TJP1: variants seen among roughly 807,000 people sequenced by gnomAD.
TJP1 encodes tight junction protein 1, also known as tight junction protein ZO-1.
TJP1 carries 43 observed loss-of-function variants against 194.2 expected under a neutral mutation model. The observed-to-expected ratio is 0.22, with a 90% CI of 0.17 to 0.29. The LOEUF (loss-of-function observed/expected upper bound fraction) is 0.29, where lower values mean the gene tolerates loss of function less well. Among genes scored for constraint, TJP1 ranks in the 10% least tolerant of loss-of-function variants. TJP1 has a pLI of 1.00. For synonymous variants in TJP1, 801 were observed against 779.0 expected (o/e 1.03, Z -0.47); for missense variants, 1,971 against 2,185.7 (o/e 0.90, Z 1.96).
intron 2 of TJP1, among the ~76,000 whole-genome samples, chr15:29,882,851 T>C (rs2052986767): frequency 6.6e-6 from 1 of 152,200 alleles, no homozygotes; most frequent in Non-Finnish European, 1.5e-5. Flanking sequence ...ACCTGGCTGC[T>C]TCCCACTTTG....
At position 29,821,969 on chromosome 15, in the gene TJP1, C is replaced by T. The variant is rs747142745; in HGVS notation, c.27+33G>A. On this transcript the variant is annotated intron_variant, in intron 1 of 27. Transcript: ENST00000614355. ...GGTGGGCGGGCGGCGACGGTCGGCC[C>T]GGTCTGGCCCTGGCGGCCGCGGAGG... is the stretch of plus-strand genomic sequence containing the variant. The T allele has an allele frequency of 8.8e-6, 11 of 1,243,798 alleles. No homozygotes were observed. In the African/African-American group the frequency reaches 1.1e-4, roughly 12 times the overall value. 77.0% of individuals were successfully genotyped at this position (1,243,798 alleles called of 1,614,324 possible).
intron 2 of TJP1, among the ~76,000 whole-genome samples, chr15:29,777,086 G>T (rs1042725140): frequency 6.6e-6 from 1 of 152,076 alleles, no homozygotes; most frequent in African/African-American, 2.4e-5. Context: ...TTTAGTACAA[G>T]GCAGAAGTAC....
At chr15:29,967,796 G>A (rs1367141867) in intron 1 of TJP1, among the ~76,000 whole-genome samples, 1 of 152,158 alleles carries the variant, frequency 6.6e-6, no homozygotes, top group African/African-American at 2.4e-5. Context: ...AAATTAGACT[G>A]TGCTCAATTG....
chr15:29,936,492 T>A (rs2054885943), intron 2 of TJP1, among the ~76,000 whole-genome samples: 2 of 152,174 alleles, frequency 1.3e-5, no homozygotes, highest in Admixed American at 6.5e-5. Context: ...CCTTTGGGCT[T>A]CCTGTGTCTG....
chr15:29,930,803 A>C (rs1329638353), intron 2 of TJP1, among the ~76,000 whole-genome samples: 1 of 152,254 alleles, frequency 6.6e-6, no homozygotes, highest in Non-Finnish European at 1.5e-5. Context: ...TGCAGAGAAT[A>C]GGAAAGTCTA....
At position 29,822,268 on chromosome 15, in the gene TJP1, G is replaced by A. The variant is rs938727973; in HGVS notation, c.-240C>T. On this transcript the variant is annotated 5_prime_UTR_variant, in exon 1 of 28. Coordinates refer to ENST00000614355, the MANE Select transcript of TJP1 (RefSeq NM_001330239.4). ...GCGCCCGACCGGCACCTCCCTCCGAGCGCGGCCACCCACTCGGCCTCCCGC... is the reference window on the plus strand; with the variant it reads ...GCGCCCGACCGGCACCTCCCTCCGAACGCGGCCACCCACTCGGCCTCCCGC... The A allele has an allele frequency of 1.0e-4, 116 of 1,159,110 alleles. No homozygotes were observed. Among genetic ancestry groups the A allele is most frequent in the Non-Finnish European group, 1.1e-4 (99 of 940,992 alleles). The allele number at this position is 1,159,110 out of a possible 1,614,324, so 71.8% of individuals were successfully genotyped here. A position where few individuals can be genotyped will look rare whatever the true frequency, so the allele number is the denominator to read the frequency against.
chr15:29,831,580 T>C (rs1262004698), intron 2 of TJP1, among the ~76,000 whole-genome samples: 1 of 152,190 alleles, frequency 6.6e-6, no homozygotes, highest in Non-Finnish European at 1.5e-5. Flanking sequence ...TAAAAACAAG[T>C]TAATAAAAAA....
chr15:29,851,078 C>A (rs953879809), intron 2 of TJP1, among the ~76,000 whole-genome samples: 1 of 152,084 alleles, frequency 6.6e-6, no homozygotes, highest in Non-Finnish European at 1.5e-5. Flanking sequence ...GCAGAGGTTG[C>A]AGTGAGCCAA....
chr15:29,881,691 T>C (rs113951467), intron 2 of TJP1, among the ~76,000 whole-genome samples: 4,418 of 152,242 alleles, frequency 0.029, 245 homozygotes, highest in African/African-American at 0.1. Context: ...ACATTGGATA[T>C]ATATTTTTCA....
chr15:29,798,122 G>A (rs572497768), intron 2 of TJP1, among the ~76,000 whole-genome samples: 25 of 152,168 alleles, frequency 1.6e-4, no homozygotes, highest in African/African-American at 4.8e-4. Context: ...ACAGGCGCCT[G>A]CCACCACGTC....
intron 1 of TJP1, among the ~76,000 whole-genome samples, chr15:29,816,383 A>G (rs2049924598): frequency 6.6e-6 from 1 of 152,146 alleles, no homozygotes. Flanking sequence ...GGGGGGAAGA[A>G]CACCACAATT....
chr15:29,733,640 T>C (rs1461795332), intron 12 of TJP1, among the ~76,000 whole-genome samples: 1 of 152,204 alleles, frequency 6.6e-6, no homozygotes, highest in African/African-American at 2.4e-5. Context: ...CAAATAAAGG[T>C]AATTTTATCC....
intron 27 of TJP1, among the ~76,000 whole-genome samples, chr15:29,702,964 G>A (rs990949546): frequency 6.6e-6 from 1 of 152,152 alleles, no homozygotes; most frequent in Non-Finnish European, 1.5e-5. Flanking sequence ...ATTATTAACT[G>A]ACTTAAGTCA....
intron 8 of TJP1, among the ~76,000 whole-genome samples, chr15:29,758,528 A>T (rs1006486911): frequency 1.3e-5 from 2 of 152,216 alleles, no homozygotes; most frequent in African/African-American, 4.8e-5. Context: ...ATTTTCTAAG[A>T]TTGAAAATTT....
chr15:29,881,285 ATTGGGTTAT>A (rs1465416420), intron 2 of TJP1, among the ~76,000 whole-genome samples: 1 of 152,158 alleles, frequency 6.6e-6, no homozygotes, highest in Non-Finnish European at 1.5e-5. Flanking sequence ...CCGTTTTTAA[ATTGGGTTAT>A]TTGTATTTTT....
chr15:29,891,704 T>G (rs1375591805), intron 2 of TJP1, among the ~76,000 whole-genome samples: 1 of 152,180 alleles, frequency 6.6e-6, no homozygotes, highest in Non-Finnish European at 1.5e-5. Context: ...CCACTGTAAT[T>G]GTTTTGGGGC....
At chr15:29,722,690 A>G (rs2043006407) in intron 18 of TJP1, among the ~76,000 whole-genome samples, 1 of 152,170 alleles carries the variant, frequency 6.6e-6, no homozygotes, top group Admixed American at 6.5e-5. Context: ...TCCAGACCTT[A>G]GAGAGGTAGG....
intron 10 of TJP1, among the ~76,000 whole-genome samples, chr15:29,740,789 C>T (rs1033926048): frequency 2.2e-4 from 33 of 152,002 alleles, no homozygotes; most frequent in Non-Finnish European, 8.8e-5. Flanking sequence ...GCTAACTACC[C>T]TAGAACAGGT....
At chr15:29,944,837 A>G (rs553258566) in intron 2 of TJP1, among the ~76,000 whole-genome samples, 36 of 152,242 alleles carry the variant, frequency 2.4e-4, no homozygotes, top group Non-Finnish European at 4.4e-4. Context: ...TAAATCTGTC[A>G]TGAATATTTC....
Sources: gnomAD v4.1 joint callset for allele counts (sites outside exome capture counted in the v4.1 genomes callset) on GRCh38, gnomAD v4.1.1 for gene constraint, MANE v1.5 for transcripts, NCBI Gene and HGNC (gene_info 2026-07-23, HGNC 2026-07-21) for gene names.